KCNN3: variants seen among roughly 807,000 people sequenced by gnomAD.
KCNN3 encodes small conductance calcium-activated potassium channel protein 3.
KCNN3 carries 16 observed loss-of-function variants against 62.9 expected under a neutral mutation model. The ratio of observed to expected loss-of-function variants is 0.25; its 90% CI spans 0.17 to 0.39. KCNN3 has a LOEUF of 0.39. KCNN3 is among the 10% of genes least tolerant of loss of function. The pLI is 1.00. For missense variants in KCNN3, 599 were observed against 949.4 expected (o/e 0.63, Z 4.85); for synonymous variants, 370 against 389.2 (o/e 0.95, Z 0.58).
chr1:154,728,298 A>C (rs1286909255), intron 4 of KCNN3, among the ~76,000 whole-genome samples: 1 of 152,208 alleles, frequency 6.6e-6, no homozygotes, highest in Non-Finnish European at 1.5e-5. Context: ...GACACTTCCC[A>C]GTTTCTTTCA....
chr1:154,829,709 C>A (rs987975655), intron 1 of KCNN3, among the ~76,000 whole-genome samples: 2 of 152,194 alleles, frequency 1.3e-5, no homozygotes, highest in Admixed American at 6.5e-5. Context: ...CCTCCTGTGC[C>A]CTCCTCAGCC....
intron 1 of KCNN3, among the ~76,000 whole-genome samples, chr1:154,865,363 AAAG>A (rs1193924107): frequency 2.0e-5 from 3 of 152,078 alleles, no homozygotes; most frequent in Non-Finnish European, 4.4e-5. Context: ...AAAAAAAAAA[AAAG>A]GACTCCTCAT....
chr1:154,838,451 T>A (rs1651692323), intron 1 of KCNN3, among the ~76,000 whole-genome samples: 2 of 152,094 alleles, frequency 1.3e-5, no homozygotes, highest in South Asian at 4.1e-4. Context: ...CAAGGCATGA[T>A]CTGACCCCTG....
chr1:154,842,520 G>A (rs192883355), intron 1 of KCNN3, among the ~76,000 whole-genome samples: 251 of 152,200 alleles, frequency 1.6e-3, no homozygotes, highest in Non-Finnish European at 2.8e-3. Context: ...TAAGCAACTG[G>A]GATTTAAAGC....
At chr1:154,738,852 T>C (rs76906948) in intron 3 of KCNN3, among the ~76,000 whole-genome samples, 37 of 152,362 alleles carry the variant, frequency 2.4e-4, no homozygotes, top group African/African-American at 3.6e-4. Flanking sequence ...AGTTATCATA[T>C]TTTTTACTAC....
chr1:154,820,120 G>T (rs1037815547), intron 2 of KCNN3, among the ~76,000 whole-genome samples: 1 of 152,198 alleles, frequency 6.6e-6, no homozygotes, highest in African/African-American at 2.4e-5. Context: ...CCATGAGCTG[G>T]ACATGGGACA....
chr1:154,816,328 G>A (rs59881960), intron 2 of KCNN3, among the ~76,000 whole-genome samples: 2,696 of 152,276 alleles, frequency 0.018, 93 homozygotes, highest in African/African-American at 0.062. Flanking sequence ...TTTGAATATG[G>A]CCAAGAACCA....
intron 2 of KCNN3, among the ~76,000 whole-genome samples, chr1:154,797,071 T>C (rs1055252607): frequency 3.9e-5 from 6 of 152,198 alleles, no homozygotes; most frequent in African/African-American, 1.2e-4. Context: ...TCACTCCCAA[T>C]GAAGCCAGTC....
At position 154,714,977 on chromosome 1, in the gene KCNN3, A is replaced by G; in HGVS notation, c.1728T>C (p.Leu576=). The G allele has an allele frequency of 6.2e-7, 1 of 1,613,740 alleles. No homozygotes were observed. Among genetic ancestry groups the G allele is most frequent in the Non-Finnish European group, 8.5e-7 (1 of 1,179,760 alleles). Residue 576 remains leucine (L), a synonymous_variant, in exon 6 of 8, where the codon CTT becomes CTC. Transcript: ENST00000271915. ...GTTTATAGATTAACCATGTTTCCCG[A>G]AGGACATTGGCTGCAGCATTCTTGA... The part of the protein sequence containing the change: ...KRIKNAAANV[L]RETWLIYKHT...
rs375206647 is a variant in KCNN3, at chr1:154,870,195, A to AG, written c.-232dup. 7.2e-6 allele frequency: 5 copies of AG among 696,840 alleles called. No homozygotes were observed. The highest frequency in any genetic ancestry group is 1.3e-5 in the Non-Finnish European group (5 of 380,892). 43.2% of individuals were successfully genotyped at this position (696,840 alleles called of 1,614,324 possible). A position where few individuals can be genotyped will look rare whatever the true frequency, so the allele number is the denominator to read the frequency against. On this transcript the variant is annotated 5_prime_UTR_variant, in exon 1 of 8. Transcript: ENST00000271915. ...GAGAGCAGGAGGGGAGCTTGGAGAAAGAAGAGGGGGTGAAAGAACTCTCTC... is the reference window on the plus strand; with the variant it reads ...GAGAGCAGGAGGGGAGCTTGGAGAAAGGAAGAGGGGGTGAAAGAACTCTCTC...
intron 6 of KCNN3, among the ~76,000 whole-genome samples, chr1:154,714,604 TGGTGTGTG>T (rs2101766128): frequency 1.1e-4 from 3 of 27,284 alleles, no homozygotes; most frequent in East Asian, 4.0e-3. Context: ...GTGTGATGTG[TGGTGTGTG>T]GTGTGTGTGT....
Position 154,852,163 on chromosome 1 carries a change from G to GA in KCNN3, c.933+16868dup, listed in dbSNP as rs979639105. On this transcript the variant is annotated intron_variant, in intron 1 of 7. Coordinates refer to ENST00000271915, the MANE Select transcript of KCNN3 (RefSeq NM_002249.6). Reference sequence around the variant, plus strand: ...AAAAAGACACTCCACTCTTTTATTGGAAAAATTTTAAGTACGTTTTCAACA... The same window carrying GA: ...AAAAAGACACTCCACTCTTTTATTGGAAAAAATTTTAAGTACGTTTTCAACA... Among the ~76,000 whole-genome samples, 4 of 151,936 alleles carry GA rather than the reference G, an allele frequency of 2.6e-5. 1 individual carries two copies. Among genetic ancestry groups the GA allele is most frequent in the Admixed American group, 2.6e-4 (4 of 15,258 alleles).
intron 1 of KCNN3, among the ~76,000 whole-genome samples, chr1:154,860,071 G>T (rs949693497): frequency 6.6e-6 from 1 of 152,178 alleles, no homozygotes; most frequent in African/African-American, 2.4e-5. Flanking sequence ...TCCCTCCCCT[G>T]CCCAGCTGCT....
At chr1:154,815,454 C>T (rs545377666) in intron 2 of KCNN3, among the ~76,000 whole-genome samples, 1 of 152,304 alleles carries the variant, frequency 6.6e-6, no homozygotes, top group South Asian at 2.1e-4. Context: ...GGGAGAAATG[C>T]ATCACTCCCT....
intron 3 of KCNN3, among the ~76,000 whole-genome samples, chr1:154,736,274 T>C (rs1571224125): frequency 6.6e-6 from 1 of 152,222 alleles, no homozygotes; most frequent in East Asian, 1.9e-4. Context: ...CAGCCATTAT[T>C]GTTGCTGAGA....
intron 3 of KCNN3, among the ~76,000 whole-genome samples, chr1:154,754,747 T>C (rs1219621393): frequency 1.3e-5 from 2 of 152,248 alleles, no homozygotes; most frequent in African/African-American, 4.8e-5. Context: ...ATACCTGCTA[T>C]AGACACCTTT....
At chr1:154,776,785 C>G (rs746722877) in intron 2 of KCNN3, among the ~76,000 whole-genome samples, 1 of 152,228 alleles carries the variant, frequency 6.6e-6, no homozygotes, top group Non-Finnish European at 1.5e-5. Context: ...TTGCGTCGCA[C>G]ATTAGAATGA....
intron 2 of KCNN3, among the ~76,000 whole-genome samples, chr1:154,805,894 G>A (rs556772921): frequency 4.6e-5 from 7 of 152,270 alleles, no homozygotes; most frequent in African/African-American, 1.7e-4. Flanking sequence ...TAGAATTAAG[G>A]CCGCTAATCA....
chr1:154,761,799 G>T (rs2101828112), intron 3 of KCNN3, among the ~76,000 whole-genome samples: 1 of 152,246 alleles, frequency 6.6e-6, no homozygotes, highest in African/African-American at 2.4e-5. Flanking sequence ...ACTTAGCCAG[G>T]CGTTGTGGCA....
Sources: allele counts gnomAD v4.1 joint callset (sites outside exome capture counted in the v4.1 genomes callset), GRCh38; gene constraint gnomAD v4.1.1; transcripts MANE v1.5; gene names NCBI Gene and HGNC (gene_info 2026-07-23, HGNC 2026-07-21).